The following GTF2IRD1 variants were observed in gnomAD, a reference collection of about 807,000 sequenced individuals.
GTF2IRD1 encodes the protein GTF2I repeat domain containing 1.
GTF2IRD1 carries 26 observed loss-of-function variants against 113.2 expected under a neutral mutation model. That is an observed-to-expected ratio of 0.23 (90% CI 0.17 to 0.32). GTF2IRD1 has a LOEUF of 0.32. GTF2IRD1 is among the 10% of genes least tolerant of loss of function. The pLI is 1.00. For missense variants in GTF2IRD1, 864 were observed against 1,280.8 expected (o/e 0.67, Z 4.97); for synonymous variants, 484 against 529.1 (o/e 0.91, Z 1.17).
chr7:74,558,961 G>T lies in GTF2IRD1; in HGVS notation c.2208G>T (p.Pro736=), dbSNP rs781914679. ...VIIEGLPPGI[P]FRKPCTFGSQ... is the part of the protein sequence containing the mutation. Reference sequence around the variant, plus strand: ...TCGAGGGGCTGCCCCCAGGAATCCCGTTCCGAAAGCCCTGTACCTTCGGCT... The same window carrying T: ...TCGAGGGGCTGCCCCCAGGAATCCCTTTCCGAAAGCCCTGTACCTTCGGCT... Residue 736 remains proline (P), a synonymous_variant, in exon 21 of 27, where the codon CCG becomes CCT. Transcript: ENST00000424337. The T allele has an allele frequency of 2.5e-6, 4 of 1,614,086 alleles. No individual in the cohort carries two copies. The highest frequency in any genetic ancestry group is 3.4e-6 in the Non-Finnish European group (4 of 1,179,992).
intron 1 of GTF2IRD1, among the ~76,000 whole-genome samples, chr7:74,496,491 GT>G (rs1795717991): frequency 1.3e-4 from 14 of 109,146 alleles, no homozygotes; most frequent in Non-Finnish European, 1.8e-5. Flanking sequence ...ACGTATGTGT[GT>G]GTGTGTGTGT....
At chr7:74,462,933 G>A (rs1185292794) in intron 1 of GTF2IRD1, among the ~76,000 whole-genome samples, 3 of 152,266 alleles carry the variant, frequency 2.0e-5, no homozygotes, top group Non-Finnish European at 4.4e-5. Flanking sequence ...GGCCAGGACA[G>A]CTGGAGGTTG....
intron 22 of GTF2IRD1, among the ~76,000 whole-genome samples, chr7:74,588,791 CA>C (rs1324658485): frequency 2.0e-5 from 3 of 152,148 alleles, no homozygotes; most frequent in Non-Finnish European, 4.4e-5. Flanking sequence ...CTCTGCCTCC[CA>C]AAGTGCTGGG....
chr7:74,577,545 T>C lies in GTF2IRD1; in HGVS notation c.2321-12306T>C, dbSNP rs373616547. Among the ~76,000 whole-genome samples, 112 of 152,372 alleles carry C rather than the reference T, an allele frequency of 7.4e-4. 1 individual carries two copies. In the South Asian group the frequency reaches 9.1e-3, roughly 12 times the overall value. On this transcript the variant is annotated intron_variant, in intron 22 of 26. Transcript: ENST00000424337. ...AATAGCATCATCGTACTTATACAACTTAATAATTCCCTGTCATCTAATACA... is the reference window on the plus strand; with the variant it reads ...AATAGCATCATCGTACTTATACAACCTAATAATTCCCTGTCATCTAATACA...
At chr7:74,581,733 C>A (rs1801433335) in intron 22 of GTF2IRD1, among the ~76,000 whole-genome samples, 1 of 152,198 alleles carries the variant, frequency 6.6e-6, no homozygotes, top group Non-Finnish European at 1.5e-5. Context: ...CTGGTCTGGG[C>A]ACGATGGCTC....
At chr7:74,501,676 G>A (rs1383907808) in intron 1 of GTF2IRD1, among the ~76,000 whole-genome samples, 1 of 152,060 alleles carries the variant, frequency 6.6e-6, no homozygotes, top group Admixed American at 6.6e-5. Context: ...TTTCGAAAAG[G>A]AGTCTCACTC....
rs1249735543 is a variant in GTF2IRD1, at chr7:74,555,711, G to A, written c.2023+217G>A. ...AGGGGGTGCCTACAGGTGGACGGTC[G>A]GGGGAGCCCAGGAGCCTGCCTGCCC... On this transcript the variant is annotated intron_variant, in intron 19 of 26. Coordinates refer to ENST00000424337, the MANE Select transcript of GTF2IRD1 (RefSeq NM_005685.4). This position sits in a 1 kb window ranked among gnomAD's most constrained non-coding sequence, Gnocchi z 5.3. 1.1e-4 allele frequency among the ~76,000 whole-genome samples: 17 copies of A among 152,098 alleles called. No individual in the cohort carries two copies. Among genetic ancestry groups the A allele is most frequent in the Non-Finnish European group, 1.5e-4 (10 of 68,016 alleles).
chr7:74,523,643 C>T (rs1217608508), intron 7 of GTF2IRD1, among the ~76,000 whole-genome samples: 1 of 151,800 alleles, frequency 6.6e-6, no homozygotes, highest in Admixed American at 6.6e-5. Context: ...ATCGCTTGAA[C>T]CTGGGAGGCA....
intron 1 of GTF2IRD1, among the ~76,000 whole-genome samples, chr7:74,466,790 C>A (rs1275138953): frequency 6.6e-6 from 1 of 152,084 alleles, no homozygotes; most frequent in Non-Finnish European, 1.5e-5. Flanking sequence ...GTGTGACTTC[C>A]AGTGGGTCAC....
Position 74,541,556 on chromosome 7 carries a change from G to T in GTF2IRD1, c.1618+1588G>T, listed in dbSNP as rs781965165. Among the ~76,000 whole-genome samples, 23 of 151,886 alleles carry T rather than the reference G, an allele frequency of 1.5e-4. No individual in the cohort carries two copies. The Middle Eastern group carries it at 0.014, about 90-fold the overall frequency. On this transcript the variant is annotated intron_variant, in intron 14 of 26. Transcript: ENST00000424337. ...TAGGAGGATTGATTGAGCCCAGGAG[G>T]TTGAGGCTGTGGTGAGCCGTGATGG...
chr7:74,498,707 T>G (rs535495846), intron 1 of GTF2IRD1, among the ~76,000 whole-genome samples: 1 of 150,888 alleles, frequency 6.6e-6, no homozygotes, highest in East Asian at 2.0e-4. Context: ...CTGCTTGTCC[T>G]TCTTTCGTGG....
chr7:74,601,014 A>G (rs1554373818), intron 25 of GTF2IRD1, 30 bp from the exon 26 acceptor site: 3 of 1,612,846 alleles, frequency 1.9e-6, no homozygotes, highest in East Asian at 2.2e-5. Flanking sequence ...CTCAGCTTCC[A>G]GTGTCAACAG....
intron 22 of GTF2IRD1, among the ~76,000 whole-genome samples, chr7:74,563,940 AG>A (rs112312815): frequency 0.033 from 4,955 of 152,230 alleles, 275 homozygotes; most frequent in African/African-American, 0.11. Flanking sequence ...CACTTATTGA[AG>A]GTTCCCATGG....
chr7:74,578,973 C>G (rs1357361009), intron 22 of GTF2IRD1, among the ~76,000 whole-genome samples: 1 of 147,754 alleles, frequency 6.8e-6, no homozygotes, highest in African/African-American at 2.5e-5. Context: ...GGCAACAGAG[C>G]GAGATCCTGT....
At chr7:74,517,795 C>G (rs587598931) in intron 4 of GTF2IRD1, among the ~76,000 whole-genome samples, 1 of 151,894 alleles carries the variant, frequency 6.6e-6, no homozygotes, top group Non-Finnish European at 1.5e-5. Context: ...TTTCTCCTAC[C>G]GGATTGTCTG....
At chr7:74,480,740 C>CCGG (rs1393174799) in intron 1 of GTF2IRD1, among the ~76,000 whole-genome samples, 6 of 152,210 alleles carry the variant, frequency 3.9e-5, no homozygotes, top group Non-Finnish European at 7.4e-5. Context: ...CCGCATACTG[C>CCGG]CGGCGGCGGC....
chr7:74,522,048 G>T (rs1797330095), intron 7 of GTF2IRD1, among the ~76,000 whole-genome samples: 1 of 152,094 alleles, frequency 6.6e-6, no homozygotes, highest in African/African-American at 2.4e-5. Flanking sequence ...GGCTGCTTGA[G>T]CATCCTCACA....
intron 17 of GTF2IRD1, among the ~76,000 whole-genome samples, chr7:74,551,691 A>T (rs1312442075): frequency 4.6e-5 from 7 of 152,094 alleles, no homozygotes; most frequent in Non-Finnish European, 7.4e-5. Flanking sequence ...TAATCCCAGC[A>T]CTTTGGGAGG....
intron 1 of GTF2IRD1, among the ~76,000 whole-genome samples, chr7:74,472,890 C>G (rs1011995507): frequency 2.6e-5 from 4 of 152,250 alleles, no homozygotes; most frequent in African/African-American, 9.6e-5. Flanking sequence ...CAGGCCCAAG[C>G]TGGCCCCACA....
Sources: allele counts gnomAD v4.1 joint callset (sites outside exome capture counted in the v4.1 genomes callset), GRCh38; gene constraint gnomAD v4.1.1; non-coding constraint Gnocchi (gnomAD v3.1); transcripts MANE v1.5; gene names NCBI Gene and HGNC (gene_info 2026-07-23, HGNC 2026-07-21).